The following BRD10 variants were observed in gnomAD, a reference collection of about 807,000 sequenced individuals.
BRD10 encodes uncharacterized bromodomain-containing protein 10.
chr9:5,950,689 C>G, the BRD10 span, among the ~76,000 whole-genome samples: 1 of 152,056 alleles, frequency 6.6e-6, no homozygotes, highest in African/African-American at 2.4e-5. Flanking sequence ...TTGGTTAGAC[C>G]CTTTACAATA....
At chr9:5,888,861 T>C in the BRD10 span, among the ~76,000 whole-genome samples, 3 of 152,212 alleles carry the variant, frequency 2.0e-5, no homozygotes, top group Non-Finnish European at 4.4e-5. Flanking sequence ...CTTTTTGAAA[T>C]GTTGTCTTAT....
chr9:5,954,095 C>T, the BRD10 span: 1 of 1,525,262 alleles, frequency 6.6e-7, no homozygotes, highest in South Asian at 1.2e-5. Context: ...GGATTTTTTT[C>T]CTTTCAAGAT....
chr9:5,907,475 G>A, the BRD10 span, among the ~76,000 whole-genome samples: 1 of 152,244 alleles, frequency 6.6e-6, no homozygotes, highest in Admixed American at 6.5e-5. Flanking sequence ...TTTGAAATAA[G>A]ATGTATTATA....
chr9:5,902,913 T>C, the BRD10 span, among the ~76,000 whole-genome samples: 984 of 152,354 alleles, frequency 6.5e-3, 41 homozygotes, highest in Admixed American at 0.05. Flanking sequence ...AAAGCTTAGA[T>C]GACTGATTTT....
the BRD10 span, among the ~76,000 whole-genome samples, chr9:5,883,183 C>A: frequency 1.3e-5 from 2 of 152,034 alleles, no homozygotes; most frequent in African/African-American, 2.4e-5. Flanking sequence ...AAGACAAAAC[C>A]CTTGTCTTCC....
the BRD10 span, among the ~76,000 whole-genome samples, chr9:5,948,518 T>C: frequency 6.6e-6 from 1 of 151,928 alleles, no homozygotes; most frequent in African/African-American, 2.4e-5. Flanking sequence ...AAAAACTCCA[T>C]GACCGTATCT....
chr9:5,896,471 T>G, the BRD10 span, among the ~76,000 whole-genome samples: 30 of 152,286 alleles, frequency 2.0e-4, no homozygotes, highest in South Asian at 2.1e-4. Context: ...AAGCTTGATG[T>G]CTCCTCAGCC....
chr9:5,924,950 A>G, the BRD10 span: 1 of 813,778 alleles, frequency 1.2e-6, no homozygotes, highest in Non-Finnish European at 1.7e-6. Context: ...ATTTTTTATT[A>G]AGTCACTAGA....
At chr9:5,941,297 T>A in the BRD10 span, among the ~76,000 whole-genome samples, 5 of 152,182 alleles carry the variant, frequency 3.3e-5, no homozygotes, top group Admixed American at 2.0e-4. Flanking sequence ...ATTTTTTAAA[T>A]AAGCAAAATG....
chr9:5,892,064 G>A, the BRD10 span, among the ~76,000 whole-genome samples: 3 of 152,220 alleles, frequency 2.0e-5, no homozygotes, highest in South Asian at 2.1e-4. Flanking sequence ...GTTAGCCACA[G>A]CCCTGGGCCA....
chr9:5,988,214 C>T, the BRD10 span: 8 of 641,376 alleles, frequency 1.2e-5, no homozygotes, highest in African/African-American at 1.8e-5. Flanking sequence ...AATTTTATTG[C>T]GATATTTCAT....
At chr9:5,922,764 G>A in the BRD10 span, 1 of 1,613,980 alleles carries the variant, frequency 6.2e-7, no homozygotes, top group Non-Finnish European at 8.5e-7. Flanking sequence ...CTATTTTGAA[G>A]ATCTATTGGC....
At chr9:5,943,703 G>T in the BRD10 span, among the ~76,000 whole-genome samples, 826 of 152,122 alleles carry the variant, frequency 5.4e-3, 7 homozygotes, top group Middle Eastern at 0.01. Context: ...AAAAATATAA[G>T]AATCTAAACC....
chr9:5,986,920 T>A, the BRD10 span, among the ~76,000 whole-genome samples: 2 of 152,226 alleles, frequency 1.3e-5, no homozygotes, highest in African/African-American at 4.8e-5. Flanking sequence ...CTACCTGGAC[T>A]CACCTTTTCA....
At chr9:5,947,913 G>GTA in the BRD10 span, among the ~76,000 whole-genome samples, 1 of 152,062 alleles carries the variant, frequency 6.6e-6, no homozygotes, top group African/African-American at 2.4e-5. Flanking sequence ...TTTGAAAAAC[G>GTA]TATCTGAGGC....
At chr9:5,918,166 A>G in the BRD10 span, among the ~76,000 whole-genome samples, 1 of 152,190 alleles carries the variant, frequency 6.6e-6, no homozygotes, top group East Asian at 1.9e-4. Flanking sequence ...TAGAGCATAA[A>G]TAGCGGTTTC....
chr9:5,929,134 G>T, the BRD10 span: 1 of 1,595,772 alleles, frequency 6.3e-7, no homozygotes, highest in South Asian at 1.1e-5. Context: ...TTCTTTTACA[G>T]CTTGCCTCCG....
At chr9:5,931,278 T>C in the BRD10 span, among the ~76,000 whole-genome samples, 1 of 152,212 alleles carries the variant, frequency 6.6e-6, no homozygotes, top group Non-Finnish European at 1.5e-5. Flanking sequence ...CCTAGGTAGA[T>C]GAGGCACAGG....
the BRD10 span, chr9:5,910,005 T>C: frequency 6.6e-6 from 1 of 152,234 alleles, no homozygotes; most frequent in Non-Finnish European, 1.5e-5. Context: ...TAGTAGAGGA[T>C]AACTATAACA....
Sources: gnomAD v4.1 joint callset for allele counts (sites outside exome capture counted in the v4.1 genomes callset) on GRCh38, gnomAD v4.1.1 for gene constraint, MANE v1.5 for transcripts, NCBI Gene and HGNC (gene_info 2026-07-23, HGNC 2026-07-21) for gene names.